The following HACD3 variants were observed in gnomAD, a reference collection of about 807,000 sequenced individuals.
HACD3 encodes the protein 3-hydroxyacyl-CoA dehydratase 3.
Under a neutral mutation model 55.2 loss-of-function variants are expected in HACD3, and 30 were observed. The observed-to-expected ratio is 0.54, with a 90% CI of 0.41 to 0.74. The LOEUF is 0.74. Among genes scored for constraint, HACD3 ranks in the 30% least tolerant of loss-of-function variants. The pLI, the probability that HACD3 is intolerant of heterozygous loss-of-function variation, is 0.00. For missense variants in HACD3, 363 were observed against 440.1 expected (o/e 0.82, Z 1.57); for synonymous variants, 141 against 151.7 (o/e 0.93, Z 0.52).
At chr15:65,564,987 AGCC>A (rs1330474537) in intron 7 of HACD3, 1 of 152,230 alleles carries the variant, frequency 6.6e-6, no homozygotes, top group Admixed American at 6.5e-5. Context: ...GGGTAAATAC[AGCC>A]GTTCCAAATG....
chr15:65,561,615 TACTC>T (rs956764024), intron 5 of HACD3, among the ~76,000 whole-genome samples: 2 of 152,188 alleles, frequency 1.3e-5, no homozygotes, highest in African/African-American at 2.4e-5. Flanking sequence ...CCTATTTTCT[TACTC>T]AACAACAATC....
intron 1 of HACD3, among the ~76,000 whole-genome samples, chr15:65,538,162 T>C (rs2071983101): frequency 1.3e-5 from 2 of 151,750 alleles, no homozygotes; most frequent in South Asian, 4.2e-4. Flanking sequence ...TTTCAGGTCT[T>C]ATTTAGAAAA....
intron 1 of HACD3, among the ~76,000 whole-genome samples, chr15:65,548,512 CAAAAA>C (rs5813362): frequency 1.3e-5 from 1 of 79,212 alleles, no homozygotes; most frequent in Admixed American, 1.3e-4. Flanking sequence ...GATTCTGTCT[CAAAAA>C]AAAAAAAAAA....
intron 5 of HACD3, among the ~76,000 whole-genome samples, chr15:65,560,240 G>A (rs2072231416): frequency 6.6e-6 from 1 of 152,104 alleles, no homozygotes; most frequent in South Asian, 2.1e-4. Context: ...AGATGTCTTT[G>A]CAGAATATCT....
At chr15:65,536,930 G>T (rs138920377) in intron 1 of HACD3, among the ~76,000 whole-genome samples, 1 of 152,274 alleles carries the variant, frequency 6.6e-6, no homozygotes, top group African/African-American at 2.4e-5. Flanking sequence ...TGAATGCAAA[G>T]AAACAATTTT....
intron 1 of HACD3, among the ~76,000 whole-genome samples, chr15:65,538,864 CA>C (rs1434835343): frequency 3.3e-5 from 5 of 152,176 alleles, no homozygotes; most frequent in African/African-American, 1.2e-4. Flanking sequence ...CCGCCACCAG[CA>C]AAAAGATTAC....
chr15:65,564,572 G>A, intron 7 of HACD3: 1 of 474,582 alleles, frequency 2.1e-6, no homozygotes, highest in Non-Finnish European at 3.7e-6. Flanking sequence ...GAGAGAATGA[G>A]GAAGAAGCAA....
intron 1 of HACD3, among the ~76,000 whole-genome samples, chr15:65,550,441 G>A (rs1374303440): frequency 6.6e-6 from 1 of 151,966 alleles, no homozygotes; most frequent in Non-Finnish European, 1.5e-5. Flanking sequence ...AAGAAATAAA[G>A]ACAGTTTCTA....
chr15:65,542,241 AAAAAAG>A (rs2072027777), intron 1 of HACD3, among the ~76,000 whole-genome samples: 3 of 145,860 alleles, frequency 2.1e-5, no homozygotes, highest in Admixed American at 7.1e-5. Flanking sequence ...AAAAAAAAAA[AAAAAAG>A]AAAAGAAAAG....
chr15:65,556,667 A>G, intron 3 of HACD3, 72 bp from the exon 4 acceptor site: 1 of 1,436,492 alleles, frequency 7.0e-7, no homozygotes, highest in South Asian at 1.3e-5. Flanking sequence ...GCTTCTATGT[A>G]CGGCGCCCCT....
intron 5 of HACD3, among the ~76,000 whole-genome samples, chr15:65,561,163 GATTAT>G (rs768719928): frequency 6.6e-6 from 1 of 152,014 alleles, no homozygotes; most frequent in Non-Finnish European, 1.5e-5. Context: ...AGAAACTATG[GATTAT>G]ATTAAGATGA....
intron 10 of HACD3, among the ~76,000 whole-genome samples, chr15:65,575,387 A>G (rs1163644818): frequency 6.6e-6 from 1 of 151,876 alleles, no homozygotes; most frequent in Non-Finnish European, 1.5e-5. Flanking sequence ...GGGGCGTCAC[A>G]ATGTTGGCCA....
chr15:65,552,964 T>C (rs1414005592), intron 2 of HACD3: 1 of 151,898 alleles, frequency 6.6e-6, no homozygotes. Context: ...GTTCTTGCGA[T>C]AGTTTACTGA....
chr15:65,552,841 A>C (rs1486672377), intron 2 of HACD3, among the ~76,000 whole-genome samples: 213 of 111,780 alleles, frequency 1.9e-3, no homozygotes, highest in African/African-American at 2.9e-3. Flanking sequence ...ATCCCTCCCC[A>C]CTCCCCCCAC....
At chr15:65,548,980 G>T (rs1189179533) in intron 1 of HACD3, among the ~76,000 whole-genome samples, 1 of 152,136 alleles carries the variant, frequency 6.6e-6, no homozygotes, top group African/African-American at 2.4e-5. Context: ...TCCCACTTCA[G>T]CCTCCCCGGT....
At chr15:65,552,860 A>C (rs1407464037) in intron 2 of HACD3, among the ~76,000 whole-genome samples, 1 of 146,274 alleles carries the variant, frequency 6.8e-6, no homozygotes, top group Non-Finnish European at 1.5e-5. Flanking sequence ...ACCCCACAAC[A>C]GTCCCCAGAG....
intron 3 of HACD3, among the ~76,000 whole-genome samples, chr15:65,556,167 C>T (rs1198949687): frequency 1.3e-5 from 2 of 152,174 alleles, no homozygotes; most frequent in Non-Finnish European, 2.9e-5. Flanking sequence ...GATTCAAATG[C>T]ATTACATTTG....
rs1281276695 is a variant in HACD3, at chr15:65,571,550, A to G, written c.776A>G (p.Tyr259Cys). The part of the protein sequence containing the change: ...YLWSAIEIFR[Y>C]SFYMLTCIDM... ...TTGGAATCATTTATTTTCAATAGGT[A>G]CTCTTTCTACATGCTGACGTGCATT... The change falls in exon 9 of 11, where the codon TAC becomes TGC. Residue 259 changes from tyrosine to cysteine, a missense_variant and splice_region_variant. By Grantham distance (194) the Tyr-to-Cys change is radical. Transcript: ENST00000261875. 1.9e-6 allele frequency: 3 copies of G among 1,610,850 alleles called. No individual in the cohort carries two copies. Among genetic ancestry groups the G allele is most frequent in the Non-Finnish European group, 2.5e-6 (3 of 1,177,402 alleles).
At chr15:65,540,129 T>C (rs2141205951) in intron 1 of HACD3, among the ~76,000 whole-genome samples, 1 of 152,324 alleles carries the variant, frequency 6.6e-6, no homozygotes, top group Admixed American at 6.5e-5. Flanking sequence ...GTTTGCTATA[T>C]TTTTCTGTTT....
Sources: gnomAD v4.1 joint callset for allele counts (sites outside exome capture counted in the v4.1 genomes callset) on GRCh38, gnomAD v4.1.1 for gene constraint, MANE v1.5 for transcripts, NCBI Gene and HGNC (gene_info 2026-07-23, HGNC 2026-07-21) for gene names.